Variants in XIRP2 observed in about 807,000 individuals in gnomAD.
XIRP2 encodes the protein xin actin binding repeat containing 2.
In XIRP2, 236 loss-of-function variants were observed where a neutral mutation model predicts 277.0. The ratio of observed to expected loss-of-function variants is 0.85; its 90% confidence interval spans 0.77 to 0.95. The LOEUF (loss-of-function observed/expected upper bound fraction) is 0.95. Among genes scored for constraint, XIRP2 ranks in the 40% least tolerant of loss-of-function variants. The probability of loss-of-function intolerance (pLI) is 0.00; values close to 1 mark genes in which losing one functional copy is unlikely to be tolerated. For synonymous variants in XIRP2, 1,490 were observed against 1,416.5 expected (o/e 1.05, Z -1.17); for missense variants, 4,640 against 4,157.5 (o/e 1.12, Z -3.19).
At chr2:166,922,854 G>T (rs1158535588) in intron 2 of XIRP2, among the ~76,000 whole-genome samples, 1 of 148,852 alleles carries the variant, frequency 6.7e-6, no homozygotes, top group African/African-American at 2.5e-5. Flanking sequence ...GTAACCAGGG[G>T]TGATAGCATA....
At chr2:167,148,962 A>G (rs1157801152) in intron 3 of XIRP2, among the ~76,000 whole-genome samples, 1 of 152,072 alleles carries the variant, frequency 6.6e-6, no homozygotes, top group African/African-American at 2.4e-5. Flanking sequence ...GAAAGCATGC[A>G]ATTGATTCAG....
At chr2:166,919,026 A>T (rs1684963357) in intron 2 of XIRP2, among the ~76,000 whole-genome samples, 1 of 152,138 alleles carries the variant, frequency 6.6e-6, no homozygotes. Context: ...AGGTACTGAC[A>T]GTTTGGAGTG....
At chr2:167,024,332 A>T (rs1265086511) in intron 2 of XIRP2, among the ~76,000 whole-genome samples, 1 of 152,140 alleles carries the variant, frequency 6.6e-6, no homozygotes, top group African/African-American at 2.4e-5. Flanking sequence ...GAAGTTGCTT[A>T]TCAGCTTAAG....
At chr2:167,007,633 A>G (rs1170295835) in intron 2 of XIRP2, among the ~76,000 whole-genome samples, 1 of 150,984 alleles carries the variant, frequency 6.6e-6, no homozygotes, top group Non-Finnish European at 1.5e-5. Flanking sequence ...TCTTAAACAA[A>G]ATCTATTATA....
At chr2:167,070,727 G>C (rs16852941) in intron 2 of XIRP2, among the ~76,000 whole-genome samples, 42,924 of 151,950 alleles carry the variant, frequency 0.28, 8,065 homozygotes, top group African/African-American at 0.54. Flanking sequence ...TTGGCCGTAA[G>C]ACTTTTTCAA....
At chr2:167,092,318 G>T (rs76933076) in intron 2 of XIRP2, among the ~76,000 whole-genome samples, 2 of 151,936 alleles carry the variant, frequency 1.3e-5, no homozygotes, top group Admixed American at 6.6e-5. Flanking sequence ...AATTGCAAAG[G>T]CTTCTTAATT....
chr2:167,005,006 T>G lies in XIRP2; in HGVS notation c.408+101116T>G, dbSNP rs1197549292. 3.3e-5 allele frequency among the ~76,000 whole-genome samples: 5 copies of G among 151,998 alleles called. No individual in the cohort carries two copies. In the East Asian group the frequency reaches 9.7e-4, roughly 29 times the overall value. On this transcript the variant is annotated intron_variant, in intron 2 of 10. Transcript: ENST00000409195. Reference sequence around the variant, plus strand: ...TTACTTGCCATTGATGGGATTTTTTTGTAGCAGACAGATCAGGCCACTATT... The same window carrying G: ...TTACTTGCCATTGATGGGATTTTTTGGTAGCAGACAGATCAGGCCACTATT...
chr2:167,025,274 T>A (rs1248052780), intron 2 of XIRP2, among the ~76,000 whole-genome samples: 2 of 152,300 alleles, frequency 1.3e-5, no homozygotes, highest in East Asian at 3.9e-4. Context: ...GATGGTAGTT[T>A]GTATTTCTGT....
chr2:166,960,233 T>A (rs1445362209), intron 2 of XIRP2, among the ~76,000 whole-genome samples: 1 of 151,432 alleles, frequency 6.6e-6, no homozygotes, highest in Admixed American at 6.6e-5. Flanking sequence ...AGTTGAATGA[T>A]GAAGGAAAAT....
intron 2 of XIRP2, among the ~76,000 whole-genome samples, chr2:167,064,130 A>G (rs1689240945): frequency 6.6e-6 from 1 of 151,814 alleles, no homozygotes; most frequent in Non-Finnish European, 1.5e-5. Flanking sequence ...AAAATTTTAT[A>G]TATTTATGAT....
At chr2:166,933,274 G>A (rs544035103) in intron 2 of XIRP2, among the ~76,000 whole-genome samples, 27 of 150,780 alleles carry the variant, frequency 1.8e-4, no homozygotes, top group African/African-American at 4.9e-4. Flanking sequence ...TCAGCCTCCC[G>A]AGTAGCTGGG....
At chr2:167,223,446 G>T (rs1427011352) in intron 5 of XIRP2, among the ~76,000 whole-genome samples, 1 of 152,132 alleles carries the variant, frequency 6.6e-6, no homozygotes, top group African/African-American at 2.4e-5. Flanking sequence ...AAATGTAAAT[G>T]CTAGGATTCT....
At chr2:166,922,448 G>A (rs1685071414) in intron 2 of XIRP2, among the ~76,000 whole-genome samples, 1 of 152,052 alleles carries the variant, frequency 6.6e-6, no homozygotes, top group Non-Finnish European at 1.5e-5. Flanking sequence ...ACAACAATGA[G>A]CATATTGTGA....
chr2:167,218,415 A>C (rs947326786), intron 5 of XIRP2, 115 bp downstream of exon 5: 1 of 1,003,654 alleles, frequency 1.0e-6, no homozygotes, highest in Admixed American at 3.8e-5. Context: ...ACTCATTAAC[A>C]AACACTGTAG....
At chr2:167,170,650 C>T (rs567096889) in intron 3 of XIRP2, among the ~76,000 whole-genome samples, 7 of 152,074 alleles carry the variant, frequency 4.6e-5, no homozygotes, top group South Asian at 4.2e-4. Context: ...TCTGTAGTGA[C>T]GTTCAATATT....
At chr2:167,040,634 C>G (rs1688636803) in intron 2 of XIRP2, among the ~76,000 whole-genome samples, 1 of 152,150 alleles carries the variant, frequency 6.6e-6, no homozygotes, top group Non-Finnish European at 1.5e-5. Flanking sequence ...GCTTACCATG[C>G]TTCTCTAGGG....
intron 10 of XIRP2, among the ~76,000 whole-genome samples, chr2:167,254,889 T>C (rs1310522380): frequency 1.3e-5 from 2 of 150,276 alleles, no homozygotes. Flanking sequence ...GTGACTGTAG[T>C]CTGAGATGCT....
chr2:166,892,856 T>TTA (rs553912061), intron 1 of XIRP2, among the ~76,000 whole-genome samples: 128 of 148,456 alleles, frequency 8.6e-4, no homozygotes, highest in African/African-American at 2.7e-3. Flanking sequence ...AATATATGTT[T>TTA]TATATATATA....
intron 2 of XIRP2, among the ~76,000 whole-genome samples, chr2:166,976,997 T>C (rs1157329842): frequency 2.0e-5 from 3 of 152,236 alleles, no homozygotes; most frequent in Non-Finnish European, 4.4e-5. Flanking sequence ...ACTTGTTGAA[T>C]GATTGTATTT....
Sources: allele counts gnomAD v4.1 joint callset (sites outside exome capture counted in the v4.1 genomes callset), GRCh38; gene constraint gnomAD v4.1.1; transcripts MANE v1.5; gene names NCBI Gene and HGNC (gene_info 2026-07-23, HGNC 2026-07-21).